The following WWTR1 variants were observed in gnomAD, a reference collection of about 807,000 sequenced individuals.
WWTR1 encodes the protein WW domain containing transcription regulator 1, also known as WW domain-containing transcription regulator protein 1.
In WWTR1, 13 loss-of-function variants were observed where a neutral mutation model predicts 40.1. The observed-to-expected ratio is 0.32, with a 90% CI of 0.21 to 0.52. The LOEUF is 0.52. WWTR1 is among the 20% of genes least tolerant of loss of function. The pLI, the probability that WWTR1 is intolerant of heterozygous loss-of-function variation, is 0.97. For synonymous variants in WWTR1, 230 were observed against 210.1 expected, an observed-to-expected ratio of 1.09 and a Z score of -0.82; for missense variants, 436 against 523.1, an observed-to-expected ratio of 0.83 and a Z score of 1.63.
At chr3:149,657,613 G>A in intron 1 of WWTR1, 152 bp downstream of exon 1, 2 of 330,050 alleles carry the variant, frequency 6.1e-6, no homozygotes, top group Non-Finnish European at 5.6e-6. Context: ...ACCGCAGGAT[G>A]GCAAAGGAAA....
chr3:149,690,069 C>T (rs942114392), intron 1 of WWTR1, among the ~76,000 whole-genome samples: 32 of 151,926 alleles, frequency 2.1e-4, no homozygotes, highest in Admixed American at 6.6e-4. Context: ...TTTTAAATAA[C>T]GGGTTATAAG....
At chr3:149,531,637 G>A (rs1207048988) in intron 4 of WWTR1, among the ~76,000 whole-genome samples, 5 of 151,968 alleles carry the variant, frequency 3.3e-5, no homozygotes, top group African/African-American at 7.2e-5. Flanking sequence ...CTCACTTAAC[G>A]CCTGCCTCCT....
chr3:149,595,866 T>C (rs1053078369), intron 2 of WWTR1, among the ~76,000 whole-genome samples: 2 of 152,148 alleles, frequency 1.3e-5, no homozygotes, highest in Middle Eastern at 3.4e-3. Flanking sequence ...ACCCCATCTC[T>C]ACTAAAAATA....
chr3:149,641,477 G>A (rs1468182521), intron 2 of WWTR1, among the ~76,000 whole-genome samples: 5 of 152,218 alleles, frequency 3.3e-5, no homozygotes, highest in Non-Finnish European at 7.3e-5. Context: ...TCCAATGCAT[G>A]TGCAACTGGG....
chr3:149,543,580 C>CAAAAAAAAAAAAAAAAAAAAAA lies in WWTR1; in HGVS notation c.569-1065_569-1044dup, dbSNP rs755442408. ...CTGGTGACAAAGAAAGACTCTGTCT[C>CAAAAAAAAAAAAAAAAAAAAAA]AAAAAAAAAAAAAAAAAAAAAAAGA... On this transcript the variant is annotated intron_variant, in intron 3 of 6. Coordinates refer to ENST00000360632, the MANE Select transcript of WWTR1 (RefSeq NM_015472.6). Among the ~76,000 whole-genome samples the CAAAAAAAAAAAAAAAAAAAAAA allele has an allele frequency of 5.4e-4, 17 of 31,224 alleles. 1 individual carries two copies. The highest frequency in any genetic ancestry group is 1.2e-3 in the East Asian group (1 of 802). The allele number at this position is 31,224 out of a possible 152,430, so 20.5% of individuals were successfully genotyped here.
chr3:149,721,076 C>CT, intron 4 of WWTR1, among the ~76,000 whole-genome samples: 3 of 152,142 alleles, frequency 2.0e-5, no homozygotes, highest in Admixed American at 2.0e-4. Context: ...TATTTTACTT[C>CT]TTTTTTTCCA....
intron 3 of WWTR1, among the ~76,000 whole-genome samples, chr3:149,552,665 C>T (rs2107958446): frequency 6.6e-6 from 1 of 152,266 alleles, no homozygotes; most frequent in African/African-American, 2.4e-5. Flanking sequence ...CATCACTTTC[C>T]CCACAGCACT....
intron 2 of WWTR1, among the ~76,000 whole-genome samples, chr3:149,594,887 T>A (rs1471066052): frequency 6.6e-6 from 1 of 151,928 alleles, no homozygotes; most frequent in Non-Finnish European, 1.5e-5. Flanking sequence ...AATGTCTTAT[T>A]CTTAGGAAAT....
At chr3:149,690,617 G>A (rs1027655521) in intron 1 of WWTR1, among the ~76,000 whole-genome samples, 12 of 152,228 alleles carry the variant, frequency 7.9e-5, no homozygotes, top group African/African-American at 2.4e-4. Context: ...GATATATAAA[G>A]CAAATATTAT....
intron 4 of WWTR1, among the ~76,000 whole-genome samples, chr3:149,719,538 C>T (rs1715706343): frequency 6.6e-6 from 1 of 152,152 alleles, no homozygotes; most frequent in South Asian, 2.1e-4. Context: ...TGTCAATGGC[C>T]TCTTGGGTTG....
intron 1 of WWTR1, among the ~76,000 whole-genome samples, chr3:149,684,708 T>A (rs116666544): frequency 0.027 from 4,154 of 152,232 alleles, 129 homozygotes; most frequent in East Asian, 0.13. Context: ...GGACTATAGT[T>A]GTGTGCTATC....
At chr3:149,522,091 A>C (rs1459359795) in intron 6 of WWTR1, among the ~76,000 whole-genome samples, 1 of 152,256 alleles carries the variant, frequency 6.6e-6, no homozygotes, top group Non-Finnish European at 1.5e-5. Flanking sequence ...AAAAAGTCCC[A>C]AACAATTTTC....
intron 2 of WWTR1, among the ~76,000 whole-genome samples, chr3:149,652,238 G>A (rs535951239): frequency 8.4e-4 from 127 of 152,024 alleles, no homozygotes; most frequent in African/African-American, 2.8e-3. Flanking sequence ...CTTTGGCAAT[G>A]TGGAAAGCAA....
chr3:149,620,439 A>G (rs1319519651), intron 2 of WWTR1, among the ~76,000 whole-genome samples: 1 of 152,078 alleles, frequency 6.6e-6, no homozygotes, highest in Non-Finnish European at 1.5e-5. Context: ...GCTTAGCTGG[A>G]TTGACAAGTC....
chr3:149,645,819 A>G (rs1417752430), intron 2 of WWTR1, among the ~76,000 whole-genome samples: 2 of 152,178 alleles, frequency 1.3e-5, no homozygotes, highest in Non-Finnish European at 2.9e-5. Context: ...TAAACAACCT[A>G]GCATGTGTAT....
chr3:149,598,431 C>T (rs1196021619), intron 2 of WWTR1, among the ~76,000 whole-genome samples: 2 of 152,222 alleles, frequency 1.3e-5, no homozygotes, highest in African/African-American at 4.8e-5. Context: ...CCTGAAGCTA[C>T]ATAGCTCATA....
rs935808891 is a variant in WWTR1, at chr3:149,604,715, C to T, written c.432-31715G>A. 3.9e-5 allele frequency among the ~76,000 whole-genome samples: 6 copies of T among 152,348 alleles called. No individual in the cohort carries two copies. The South Asian group carries it at 6.2e-4, about 16-fold the overall frequency. ...GGCCAGCCCAAGGCTGCTGGCCTTCCGTGTGCTGCCCTTCCTGCTGAAGCG... is the reference window on the plus strand; with the variant it reads ...GGCCAGCCCAAGGCTGCTGGCCTTCTGTGTGCTGCCCTTCCTGCTGAAGCG... On this transcript the variant is annotated intron_variant, in intron 2 of 6. Coordinates refer to ENST00000360632, the MANE Select transcript of WWTR1 (RefSeq NM_015472.6).
intron 3 of WWTR1, among the ~76,000 whole-genome samples, chr3:149,569,060 C>A (rs992613557): frequency 6.6e-6 from 1 of 151,806 alleles, no homozygotes. Context: ...GCCACCGCGC[C>A]CGGCATCTAA....
intron 2 of WWTR1, among the ~76,000 whole-genome samples, chr3:149,621,307 A>G (rs1740253535): frequency 6.6e-6 from 1 of 152,202 alleles, no homozygotes; most frequent in South Asian, 2.1e-4. Flanking sequence ...TTCTAATCAC[A>G]GAAGTCTTTG....
Sources: gnomAD v4.1 joint callset for allele counts (sites outside exome capture counted in the v4.1 genomes callset) on GRCh38, gnomAD v4.1.1 for gene constraint, MANE v1.5 for transcripts, NCBI Gene and HGNC (gene_info 2026-07-23, HGNC 2026-07-21) for gene names.